Variants in STEAP4 observed in about 807,000 individuals in gnomAD.
The protein encoded by STEAP4 is metalloreductase STEAP4.
Under a neutral mutation model 43.6 loss-of-function variants are expected in STEAP4, and 36 were observed. That is an observed-to-expected ratio of 0.83 (90% CI 0.63 to 1.09). STEAP4 has a LOEUF of 1.09. Ranked by LOEUF, STEAP4 falls within the 50% of genes least tolerant of loss-of-function variation. STEAP4 has a pLI of 0.00. For synonymous variants in STEAP4, 191 were observed against 196.7 expected, an observed-to-expected ratio of 0.97 and a Z score of 0.24; for missense variants, 495 against 546.5, an observed-to-expected ratio of 0.91 and a Z score of 0.94.
chr7:88,296,188 A>G (rs1852920854), intron 1 of STEAP4, among the ~76,000 whole-genome samples: 1 of 152,220 alleles, frequency 6.6e-6, no homozygotes, highest in African/African-American at 2.4e-5. Context: ...CACATAGTAC[A>G]GCATAATGTG....
chr7:88,290,459 T>C (rs913794866), intron 1 of STEAP4: 1 of 152,148 alleles, frequency 6.6e-6, no homozygotes, highest in African/African-American at 2.4e-5. Context: ...CTGAGGAATT[T>C]AGAAGTATCA....
intron 1 of STEAP4, among the ~76,000 whole-genome samples, chr7:88,288,680 A>G (rs1430344197): frequency 6.6e-6 from 1 of 152,230 alleles, no homozygotes; most frequent in Admixed American, 6.5e-5. Context: ...AACTGGAAAA[A>G]ATATTTTTCA....
Position 88,279,449 on chromosome 7 carries a change from G to A in STEAP4, c.1329C>T (p.Asp443=), listed in dbSNP as rs1246843855. 1 of 1,614,034 alleles carries A rather than the reference G, an allele frequency of 6.2e-7. No individual in the cohort carries two copies. Among genetic ancestry groups the A allele is most frequent in the Non-Finnish European group, 8.5e-7 (1 of 1,179,996 alleles). Reference sequence around the variant, plus strand: ...CCTGGCGGATCCTTGTAAGGGTGTTGTCTACACATGGCATGATTAGGACAA... The same window carrying A: ...CCTGGCGGATCCTTGTAAGGGTGTTATCTACACATGGCATGATTAGGACAA... ...IKFVLIMPCV[D]NTLTRIRQGW... is the part of the protein sequence containing the mutation. Residue 443 remains aspartate (D), a synonymous_variant, in exon 5 of 5, where the codon GAC becomes GAT. Transcript: ENST00000380079.
chr7:88,297,468 G>A (rs1852942197), intron 1 of STEAP4, among the ~76,000 whole-genome samples: 1 of 152,154 alleles, frequency 6.6e-6, no homozygotes, highest in Non-Finnish European at 1.5e-5. Flanking sequence ...CCAGTCAAGT[G>A]AGGGTTGCCA....
rs1040127634 is a variant in STEAP4, at chr7:88,278,531, C to T, written c.*867G>A. On this transcript the variant is annotated 3_prime_UTR_variant, in exon 5 of 5. Transcript: ENST00000380079. ...AGCATATTATAATACCTAAATAATA[C>T]TTAACCTAATATAGTGCAATTTTAC... 2 of 152,238 alleles carry T rather than the reference C, an allele frequency of 1.3e-5. No individual in the cohort carries two copies. The highest frequency in any genetic ancestry group is 2.1e-4 in the South Asian group (1 of 4,828). The allele number at this position is 152,238 out of a possible 1,614,324, so 9.4% of individuals were successfully genotyped here. A position where few individuals can be genotyped will look rare whatever the true frequency, so the allele number is the denominator to read the frequency against.
Position 88,279,230 on chromosome 7 carries a change from T to C in STEAP4, c.*168A>G. On this transcript the variant is annotated 3_prime_UTR_variant, in exon 5 of 5. Coordinates refer to ENST00000380079, the MANE Select transcript of STEAP4 (RefSeq NM_024636.4). ...GATAAAATGGTGTTCTCTTCCAGTA[T>C]GTCAGTCAATTTCTCAAAGACAAGC... is the stretch of plus-strand genomic sequence containing the variant. 1.6e-6 allele frequency: 1 copy of C among 625,782 alleles called. No homozygotes were observed. Among genetic ancestry groups the C allele is most frequent in the Non-Finnish European group, 2.8e-6 (1 of 359,932 alleles). 38.8% of individuals were successfully genotyped at this position (625,782 alleles called of 1,614,324 possible). A position where few individuals can be genotyped will look rare whatever the true frequency, so the allele number is the denominator to read the frequency against.
At chr7:88,291,677 T>G (rs1009548506) in intron 1 of STEAP4, among the ~76,000 whole-genome samples, 3 of 152,024 alleles carry the variant, frequency 2.0e-5, no homozygotes, top group Non-Finnish European at 4.4e-5. Flanking sequence ...TTCAAAGACT[T>G]AAAAAAGTTT....
In STEAP4 at chr7:88,302,194, C is replaced by T. The variant is rs754147812; in HGVS notation, c.-3+4598G>A. Among the ~76,000 whole-genome samples, 83 of 152,300 alleles carry T rather than the reference C, an allele frequency of 5.4e-4. 1 individual carries two copies. Among genetic ancestry groups the T allele is most frequent in the Admixed American group, 2.7e-3 (41 of 15,306 alleles). ...TGTACTATGTCCATAAGGTAAGTAT[C>T]TTCCAAAAATAAAAATCAGTGTTAT... is the stretch of plus-strand genomic sequence containing the variant. On this transcript the variant is annotated intron_variant, in intron 1 of 4. Coordinates refer to ENST00000380079, the MANE Select transcript of STEAP4 (RefSeq NM_024636.4).
At chr7:88,283,714 TG>T in intron 2 of STEAP4, 99 bp downstream of exon 2, 2 of 1,251,456 alleles carry the variant, frequency 1.6e-6, no homozygotes, top group Non-Finnish European at 1.1e-6. Flanking sequence ...TAATATTTAG[TG>T]GGCATTTCAT....
At chr7:88,289,844 T>A (rs993480182) in intron 1 of STEAP4, among the ~76,000 whole-genome samples, 1 of 152,232 alleles carries the variant, frequency 6.6e-6, no homozygotes, top group Non-Finnish European at 1.5e-5. Context: ...TACTAGCATC[T>A]GCACATGCAG....
intron 1 of STEAP4, among the ~76,000 whole-genome samples, chr7:88,291,813 G>A (rs993786253): frequency 2.6e-5 from 4 of 152,130 alleles, no homozygotes; most frequent in African/African-American, 9.7e-5. Context: ...CAACATAGGG[G>A]TTTCCTCTCC....
intron 1 of STEAP4, chr7:88,292,491 AG>A (rs1852851652): frequency 6.6e-6 from 1 of 152,214 alleles, no homozygotes; most frequent in South Asian, 2.1e-4. Context: ...ATAGATTCCA[AG>A]GAAGTTGTAA....
chr7:88,283,293 G>T, intron 2 of STEAP4, 125 bp from the exon 3 acceptor site: 1 of 1,024,920 alleles, frequency 9.8e-7, no homozygotes, highest in Non-Finnish European at 1.4e-6. Context: ...TTTAAAATAA[G>T]GATGTAGAAT....
chr7:88,280,875 G>A, intron 4 of STEAP4, 40 bp downstream of exon 4: 1 of 1,498,476 alleles, frequency 6.7e-7, no homozygotes. Context: ...GGAAGTGATG[G>A]AGCAAAATGA....
chr7:88,304,248 G>C (rs1009764964), intron 1 of STEAP4: 1 of 152,128 alleles, frequency 6.6e-6, no homozygotes, highest in Non-Finnish European at 1.5e-5. Flanking sequence ...TGACGAGTTA[G>C]TGGGTGCAGC....
intron 1 of STEAP4, chr7:88,293,059 G>T (rs534966116): frequency 6.6e-6 from 1 of 152,162 alleles, no homozygotes; most frequent in Non-Finnish European, 1.5e-5. Context: ...TGGGTCATAT[G>T]GTGTTTGTTT....
intron 2 of STEAP4, chr7:88,283,534 G>A (rs572011166): frequency 7.8e-6 from 4 of 511,176 alleles, no homozygotes; most frequent in Non-Finnish European, 1.4e-5. Flanking sequence ...AGCAGAAAAG[G>A]ATATTCACCA....
Position 88,279,420 on chromosome 7 carries a change from C to G in STEAP4, c.1358G>C (p.Trp453Ser). Residue 453 changes from tryptophan (W) to serine (S), a missense_variant, in exon 5 of 5, where the codon TGG (tryptophan) becomes TCG (serine). Physicochemically the swap from Trp to Ser is radical, Grantham distance 177. Coordinates refer to ENST00000380079, the MANE Select transcript of STEAP4 (RefSeq NM_024636.4). ...DNTLTRIRQG[W>S]ERNSKH ...TTTCTAGTGTTTTGAGTTCCTTTCC[C>G]AGCCCTGGCGGATCCTTGTAAGGGT... 1 of 1,613,898 alleles carries G rather than the reference C, an allele frequency of 6.2e-7. No homozygotes were observed. The highest frequency in any genetic ancestry group is 1.1e-5 in the South Asian group (1 of 91,024).
At chr7:88,283,294 G>T in intron 2 of STEAP4, 126 bp from the exon 3 acceptor site, 1 of 1,009,732 alleles carries the variant, frequency 9.9e-7, no homozygotes, top group East Asian at 2.7e-5. Context: ...TTAAAATAAG[G>T]ATGTAGAATT....
Sources: allele counts gnomAD v4.1 joint callset (sites outside exome capture counted in the v4.1 genomes callset), GRCh38; gene constraint gnomAD v4.1.1; transcripts MANE v1.5; gene names NCBI Gene and HGNC (gene_info 2026-07-23, HGNC 2026-07-21).